The following PDE4D variants were observed in gnomAD, a reference collection of about 807,000 sequenced individuals.
The protein encoded by PDE4D is phosphodiesterase 4D.
Under a neutral mutation model 87.4 loss-of-function variants are expected in PDE4D, and 24 were observed. The observed-to-expected ratio is 0.27, with a 90% CI of 0.20 to 0.39. PDE4D has a LOEUF of 0.39. Among genes scored for constraint, PDE4D ranks in the 10% least tolerant of loss-of-function variants. The pLI is 1.00. For missense variants in PDE4D, 714 were observed against 1,041.0 expected (o/e 0.69, Z 4.32); for synonymous variants, 384 against 383.2 (o/e 1.00, Z -0.02).
intron 2 of PDE4D, among the ~76,000 whole-genome samples, chr5:60,184,415 T>TATG (rs756190756): frequency 2.0e-5 from 3 of 152,178 alleles, no homozygotes; most frequent in Non-Finnish European, 4.4e-5. Flanking sequence ...AGTGACTTTG[T>TATG]ATGATGATAA....
intron 1 of PDE4D, among the ~76,000 whole-genome samples, chr5:60,395,591 AGTAAAT>A (rs1422357717): frequency 1.3e-5 from 2 of 152,214 alleles, no homozygotes; most frequent in Non-Finnish European, 2.9e-5. Flanking sequence ...AAGAACTAGA[AGTAAAT>A]GTAATAAGTA....
At chr5:59,414,402 C>A (rs984283479) in intron 1 of PDE4D, among the ~76,000 whole-genome samples, 1 of 152,184 alleles carries the variant, frequency 6.6e-6, no homozygotes, top group African/African-American at 2.4e-5. Flanking sequence ...GAGGGAGGGA[C>A]TGGACCTTGA....
intron 1 of PDE4D, among the ~76,000 whole-genome samples, chr5:60,486,429 T>C (rs1042062426): frequency 6.6e-6 from 1 of 152,236 alleles, no homozygotes; most frequent in Non-Finnish European, 1.5e-5. Flanking sequence ...AAAATCTATG[T>C]ATTTTGCATA....
chr5:59,671,126 G>A (rs112304277), intron 1 of PDE4D, among the ~76,000 whole-genome samples: 2 of 152,206 alleles, frequency 1.3e-5, no homozygotes, highest in African/African-American at 4.8e-5. Context: ...AATACTGTTA[G>A]TGTATCTATC....
intron 2 of PDE4D, among the ~76,000 whole-genome samples, chr5:60,162,326 T>G (rs1457840632): frequency 6.6e-6 from 1 of 152,188 alleles, no homozygotes; most frequent in Non-Finnish European, 1.5e-5. Context: ...CTTGGCAATG[T>G]TGTCCCTATT....
intron 2 of PDE4D, among the ~76,000 whole-genome samples, chr5:59,212,385 A>T (rs1204388454): frequency 2.6e-5 from 4 of 152,128 alleles, no homozygotes; most frequent in African/African-American, 9.7e-5. Context: ...TTACTGCTCC[A>T]ATGTAAATAT....
At chr5:59,745,765 G>A (rs1759512690) in intron 1 of PDE4D, among the ~76,000 whole-genome samples, 1 of 151,898 alleles carries the variant, frequency 6.6e-6, no homozygotes, top group East Asian at 1.9e-4. Context: ...AAGAAAGAAA[G>A]AAAAAAATGT....
At chr5:59,832,744 G>A (rs1741439762) in intron 1 of PDE4D, among the ~76,000 whole-genome samples, 1 of 152,066 alleles carries the variant, frequency 6.6e-6, no homozygotes, top group Non-Finnish European at 1.5e-5. Context: ...ATATGGATTG[G>A]CTATCAAGGG....
intron 1 of PDE4D, among the ~76,000 whole-genome samples, chr5:60,387,982 T>C (rs1251467693): frequency 1.3e-5 from 2 of 152,170 alleles, no homozygotes; most frequent in African/African-American, 4.8e-5. Context: ...TTTGATTAAC[T>C]GGAATTGGAA....
intron 6 of PDE4D, chr5:58,999,551 A>ATGTATATATATATATATG: frequency 8.9e-7 from 1 of 1,118,066 alleles, no homozygotes; most frequent in African/African-American, 2.6e-5. Flanking sequence ...GATTGATTAT[A>ATGTATATATATATATATG]TGTATATATA....
intron 3 of PDE4D, among the ~76,000 whole-genome samples, chr5:59,956,110 G>T (rs577228165): frequency 2.7e-4 from 41 of 152,280 alleles, no homozygotes; most frequent in African/African-American, 8.9e-4. Context: ...AAAAGCAAGA[G>T]TTCAAAAATC....
chr5:60,381,097 C>T (rs1761825122), intron 1 of PDE4D, among the ~76,000 whole-genome samples: 1 of 152,134 alleles, frequency 6.6e-6, no homozygotes, highest in Non-Finnish European at 1.5e-5. Context: ...TGTTGTATGC[C>T]TCAGGCCTTG....
chr5:59,429,706 G>C (rs890422344), intron 1 of PDE4D, among the ~76,000 whole-genome samples: 2 of 152,094 alleles, frequency 1.3e-5, no homozygotes, highest in Non-Finnish European at 2.9e-5. Context: ...AAATTGAGGG[G>C]TGACTTTTGG....
chr5:59,357,215 C>T (rs1038130772), intron 1 of PDE4D, among the ~76,000 whole-genome samples: 20 of 152,084 alleles, frequency 1.3e-4, no homozygotes, highest in Non-Finnish European at 2.9e-4. Flanking sequence ...GCACACACAA[C>T]AAAAGGTGTG....
intron 5 of PDE4D, among the ~76,000 whole-genome samples, chr5:59,083,040 T>G (rs573927764): frequency 3.3e-5 from 5 of 152,126 alleles, no homozygotes; most frequent in Non-Finnish European, 7.4e-5. Flanking sequence ...TACTTCCTTT[T>G]AATTAGGAAG....
chr5:59,384,719 G>T (rs1267748844), intron 1 of PDE4D, among the ~76,000 whole-genome samples: 2 of 151,688 alleles, frequency 1.3e-5, no homozygotes, highest in Non-Finnish European at 2.9e-5. Flanking sequence ...AAGTCATTTT[G>T]TTTCTGCTGG....
intron 5 of PDE4D, among the ~76,000 whole-genome samples, chr5:59,050,891 T>A (rs894009174): frequency 6.6e-6 from 1 of 152,262 alleles, no homozygotes; most frequent in Non-Finnish European, 1.5e-5. Flanking sequence ...CAATAGTAGG[T>A]ATACTGAACC....
intron 1 of PDE4D, among the ~76,000 whole-genome samples, chr5:60,371,347 G>A (rs1761012751): frequency 6.6e-6 from 1 of 152,284 alleles, no homozygotes; most frequent in African/African-American, 2.4e-5. Flanking sequence ...CCGCCATGTG[G>A]TGATTCTCTT....
At chr5:59,104,587 G>A (rs1031373240) in intron 5 of PDE4D, among the ~76,000 whole-genome samples, 1 of 152,076 alleles carries the variant, frequency 6.6e-6, no homozygotes, top group Non-Finnish European at 1.5e-5. Context: ...CAAGGAAACT[G>A]CTTAAGAAAG....
Sources: gnomAD v4.1 joint callset for allele counts (sites outside exome capture counted in the v4.1 genomes callset) on GRCh38, gnomAD v4.1.1 for gene constraint, MANE v1.5 for transcripts, NCBI Gene and HGNC (gene_info 2026-07-23, HGNC 2026-07-21) for gene names.